PROM1: variants seen among roughly 807,000 people sequenced by gnomAD.
PROM1 encodes prominin 1.
Under a neutral mutation model 116.9 loss-of-function variants are expected in PROM1, and 105 were observed. The observed-to-expected ratio is 0.90, with a 90% CI of 0.77 to 1.06. The LOEUF (loss-of-function observed/expected upper bound fraction) is 1.06. Ranked by LOEUF, PROM1 falls within the 50% of genes least tolerant of loss-of-function variation. The probability of loss-of-function intolerance (pLI) is 0.00; values close to 1 mark genes in which losing one functional copy is unlikely to be tolerated. For missense variants in PROM1, 1,122 were observed against 1,045.2 expected (o/e 1.07, Z -1.01); for synonymous variants, 393 against 387.0 (o/e 1.02, Z -0.18).
intron 26 of PROM1, among the ~76,000 whole-genome samples, chr4:15,976,568 T>G (rs989204790): frequency 2.6e-5 from 4 of 152,212 alleles, no homozygotes; most frequent in African/African-American, 9.6e-5. Flanking sequence ...CCTGCCTATT[T>G]CCAGCACTCA....
At chr4:16,064,379 G>A (rs368040999) in intron 2 of PROM1, among the ~76,000 whole-genome samples, 3 of 152,100 alleles carry the variant, frequency 2.0e-5, no homozygotes, top group African/African-American at 4.8e-5. Context: ...AGTATATATC[G>A]TGTGATCCCA....
chr4:16,067,481 A>C (rs1434050010), intron 2 of PROM1, among the ~76,000 whole-genome samples: 2 of 152,174 alleles, frequency 1.3e-5, no homozygotes, highest in Non-Finnish European at 2.9e-5. Context: ...GACTCGCCTA[A>C]ATCCCTGAAA....
intron 3 of PROM1, among the ~76,000 whole-genome samples, chr4:16,037,303 T>G (rs1406405839): frequency 2.0e-5 from 3 of 152,162 alleles, no homozygotes; most frequent in Admixed American, 2.0e-4. Context: ...TTGGGAGATA[T>G]AAATGAAGCC....
At chr4:15,994,879 C>T (rs532164863) in intron 15 of PROM1, among the ~76,000 whole-genome samples, 2 of 152,238 alleles carry the variant, frequency 1.3e-5, no homozygotes, top group East Asian at 1.9e-4. Context: ...AGAGAACAAG[C>T]GGGTTGGTGT....
intron 5 of PROM1, among the ~76,000 whole-genome samples, chr4:16,030,362 T>A (rs1169372649): frequency 6.6e-6 from 1 of 152,260 alleles, no homozygotes; most frequent in Non-Finnish European, 1.5e-5. Context: ...TCTCAGTTGA[T>A]CAATTTTGGT....
At position 15,984,332 on chromosome 4, in the gene PROM1, G is replaced by A. The variant is rs764565205; in HGVS notation, c.2304C>T (p.Cys768=). 6.2e-7 allele frequency: 1 copy of A among 1,600,344 alleles called. No individual in the cohort carries two copies. The highest frequency in any genetic ancestry group is 2.2e-5 in the East Asian group (1 of 44,580). ...EFSISEKVAS[C]KPVATALDTA... is the part of the protein sequence containing the mutation. ...TATCTAGAGCGGTGGCCACAGGTTT[G>A]CACGATGCCACTTTCTCACTGATCT... Residue 768 remains cysteine (C), a synonymous_variant, in exon 23 of 28, where the codon TGC becomes TGT. Transcript: ENST00000447510.
intron 5 of PROM1, among the ~76,000 whole-genome samples, chr4:16,031,755 G>C (rs1732744944): frequency 6.6e-6 from 1 of 152,128 alleles, no homozygotes; most frequent in African/African-American, 2.4e-5. Context: ...AACCAACAAT[G>C]CATGAAGTCA....
At chr4:16,021,126 T>C (rs1412405939) in intron 8 of PROM1, among the ~76,000 whole-genome samples, 4 of 145,922 alleles carry the variant, frequency 2.7e-5, no homozygotes, top group African/African-American at 1.0e-4. Flanking sequence ...GCTGGAGTAG[T>C]TTATTAAGCA....
chr4:15,978,768 T>C (rs943191799), intron 26 of PROM1, among the ~76,000 whole-genome samples: 5 of 152,168 alleles, frequency 3.3e-5, no homozygotes, highest in African/African-American at 1.2e-4. Flanking sequence ...CCACCTCTTA[T>C]AAGCAGATAG....
At chr4:16,065,764 C>G (rs1324862559) in intron 2 of PROM1, among the ~76,000 whole-genome samples, 1 of 152,178 alleles carries the variant, frequency 6.6e-6, no homozygotes, top group Non-Finnish European at 1.5e-5. Flanking sequence ...ACTTGAAAAA[C>G]TAAATAAGAA....
chr4:16,047,224 A>T (rs1264998756), intron 2 of PROM1, among the ~76,000 whole-genome samples: 1 of 150,900 alleles, frequency 6.6e-6, no homozygotes, highest in Non-Finnish European at 1.5e-5. Context: ...TTTTTTTTTG[A>T]GAGAGAGAGA....
intron 18 of PROM1, 52 bp from the exon 19 acceptor site, chr4:15,989,876 C>A: frequency 7.1e-7 from 1 of 1,417,962 alleles, no homozygotes. Context: ...AGACTCAAAG[C>A]ACTCTCGCTA....
chr4:16,049,461 G>A (rs973024543), intron 2 of PROM1, among the ~76,000 whole-genome samples: 3 of 152,114 alleles, frequency 2.0e-5, no homozygotes, highest in African/African-American at 7.2e-5. Context: ...TTAATTAAAT[G>A]TTTAAAATAA....
At chr4:16,009,242 A>G in intron 11 of PROM1, 134 bp from the exon 12 acceptor site, 1 of 716,168 alleles carries the variant, frequency 1.4e-6, no homozygotes, top group South Asian at 1.9e-5. Context: ...ATATGGTAAG[A>G]TTCTTCAACA....
chr4:15,975,346 A>G (rs1045928296), intron 26 of PROM1, among the ~76,000 whole-genome samples: 15 of 152,110 alleles, frequency 9.9e-5, no homozygotes, highest in African/African-American at 3.6e-4. Context: ...CAGCCTCCCA[A>G]GTAGCTGGGA....
intron 2 of PROM1, among the ~76,000 whole-genome samples, chr4:16,040,112 G>C (rs138435695): frequency 6.8e-4 from 103 of 152,168 alleles, no homozygotes; most frequent in African/African-American, 2.2e-3. Flanking sequence ...CTAATGGGGG[G>C]GCAAACGAAA....
rs186760129 is a variant in PROM1, at chr4:16,038,414, T to C, written c.276+532A>G. ...AGTTTTTATTTATTTATTTGTTTAT[T>C]TATTTTGAGATGGAGTCTCACTCTG... On this transcript the variant is annotated intron_variant, in intron 3 of 27. Transcript: ENST00000447510. 4.9e-3 allele frequency among the ~76,000 whole-genome samples: 745 copies of C among 152,302 alleles called. 1 individual carries two copies. The highest frequency in any genetic ancestry group is 7.7e-3 in the Non-Finnish European group (526 of 68,030).
chr4:16,004,060 T>C (rs1724571149), intron 13 of PROM1, among the ~76,000 whole-genome samples: 1 of 152,216 alleles, frequency 6.6e-6, no homozygotes, highest in South Asian at 2.1e-4. Context: ...AACTGCATTC[T>C]TCTAATTAGT....
intron 11 of PROM1, 104 bp from the exon 12 acceptor site, chr4:16,009,212 A>T (rs756677924): frequency 9.1e-6 from 8 of 882,056 alleles, no homozygotes; most frequent in Non-Finnish European, 1.1e-5. Flanking sequence ...AGTTTTTCTC[A>T]TGTCATGTAT....
Sources: allele counts gnomAD v4.1 joint callset (sites outside exome capture counted in the v4.1 genomes callset), GRCh38; gene constraint gnomAD v4.1.1; transcripts MANE v1.5; gene names NCBI Gene and HGNC (gene_info 2026-07-23, HGNC 2026-07-21).